Variants in CNTN4 observed in about 807,000 individuals in gnomAD.
CNTN4 encodes contactin-4.
CNTN4 carries 77 observed loss-of-function variants against 122.5 expected under a neutral mutation model. That is an observed-to-expected ratio of 0.63 (90% CI 0.52 to 0.76). The LOEUF (loss-of-function observed/expected upper bound fraction) is 0.76. Among genes scored for constraint, CNTN4 ranks in the 30% least tolerant of loss-of-function variants. The pLI, the probability that CNTN4 is intolerant of heterozygous loss-of-function variation, is 0.00. For missense variants in CNTN4, 1,256 were observed against 1,259.1 expected (o/e 1.00, Z 0.04); for synonymous variants, 512 against 447.0 (o/e 1.15, Z -1.83).
intron 3 of CNTN4, among the ~76,000 whole-genome samples, chr3:2,566,313 T>C (rs2079156732): frequency 6.6e-6 from 1 of 152,244 alleles, no homozygotes; most frequent in South Asian, 2.1e-4. Flanking sequence ...GATTTCTAGA[T>C]ATTTAACCTT....
chr3:2,587,772 G>A (rs1306646656), intron 4 of CNTN4, among the ~76,000 whole-genome samples: 1 of 151,962 alleles, frequency 6.6e-6, no homozygotes, highest in Admixed American at 6.6e-5. Flanking sequence ...TCAATATTAT[G>A]AATTTTTTTT....
At chr3:2,971,585 A>C (rs1044658904) in intron 13 of CNTN4, among the ~76,000 whole-genome samples, 1 of 152,230 alleles carries the variant, frequency 6.6e-6, no homozygotes, top group South Asian at 2.1e-4. Context: ...ATAATTCAGT[A>C]CCAATAGATA....
chr3:2,991,954 TC>T (rs1482713663), intron 14 of CNTN4, among the ~76,000 whole-genome samples: 1 of 152,218 alleles, frequency 6.6e-6, no homozygotes, highest in Non-Finnish European at 1.5e-5. Context: ...ACCGTGAAGG[TC>T]GGGCGTCAGA....
chr3:2,307,550 C>T (rs1411393254), intron 2 of CNTN4, among the ~76,000 whole-genome samples: 1 of 152,104 alleles, frequency 6.6e-6, no homozygotes, highest in Non-Finnish European at 1.5e-5. Context: ...CCCATTTCTG[C>T]AGGTGCCCTT....
chr3:2,771,874 GTGAC>G (rs1178565242), intron 6 of CNTN4, among the ~76,000 whole-genome samples: 6 of 152,190 alleles, frequency 3.9e-5, no homozygotes, highest in Non-Finnish European at 8.8e-5. Context: ...AAGAGAGACA[GTGAC>G]TGAGCAGAGT....
At position 2,700,072 on chromosome 3, in the gene CNTN4, A is replaced by G. The variant is rs116456083; in HGVS notation, c.56-36143A>G. Among the ~76,000 whole-genome samples the G allele has an allele frequency of 1.7e-3, 259 of 152,248 alleles. 1 individual carries two copies. The highest frequency in any genetic ancestry group is 5.8e-3 in the African/African-American group (239 of 41,564). On this transcript the variant is annotated intron_variant, in intron 4 of 24. Coordinates refer to ENST00000418658, the MANE Select transcript of CNTN4 (RefSeq NM_175607.3). ...TAATCATTCCACTTTCACGAAGTGC[A>G]TGCACTACTGAGCCACAGAGAAATT...
chr3:2,655,016 TA>T (rs2083522709), intron 4 of CNTN4, among the ~76,000 whole-genome samples: 1 of 152,208 alleles, frequency 6.6e-6, no homozygotes, highest in Non-Finnish European at 1.5e-5. Context: ...TTAAAAAATT[TA>T]TTCCCCAAAT....
chr3:2,906,769 G>A (rs527744603), intron 12 of CNTN4, among the ~76,000 whole-genome samples: 68 of 151,274 alleles, frequency 4.5e-4, no homozygotes, highest in Admixed American at 2.4e-3. Context: ...ACTTAGACCC[G>A]GGAGACAGAG....
At chr3:3,007,401 A>T (rs930433545) in intron 14 of CNTN4, among the ~76,000 whole-genome samples, 1 of 152,234 alleles carries the variant, frequency 6.6e-6, no homozygotes, top group Non-Finnish European at 1.5e-5. Flanking sequence ...CATCATTTCT[A>T]TAATGCCAGT....
intron 2 of CNTN4, among the ~76,000 whole-genome samples, chr3:2,105,004 A>G (rs2032314977): frequency 6.6e-6 from 1 of 152,136 alleles, no homozygotes; most frequent in Non-Finnish European, 1.5e-5. Flanking sequence ...TCTTGTCGGG[A>G]AGAGCATTGA....
At chr3:2,626,574 T>G (rs1159940711) in intron 4 of CNTN4, among the ~76,000 whole-genome samples, 1 of 151,994 alleles carries the variant, frequency 6.6e-6, no homozygotes, top group East Asian at 1.9e-4. Flanking sequence ...TAAAATCCCC[T>G]TATATCATTT....
At chr3:2,731,183 G>T (rs2088652930) in intron 4 of CNTN4, among the ~76,000 whole-genome samples, 7 of 152,058 alleles carry the variant, frequency 4.6e-5, no homozygotes, top group Admixed American at 4.6e-4. Flanking sequence ...GAGACACTAT[G>T]TTTTACTTCT....
At chr3:2,438,499 G>A (rs1575630587) in intron 3 of CNTN4, among the ~76,000 whole-genome samples, 1 of 152,272 alleles carries the variant, frequency 6.6e-6, no homozygotes, top group East Asian at 1.9e-4. Context: ...TCCAGCCCAG[G>A]TGAAAGAGTG....
chr3:2,610,873 A>G (rs2081452692), intron 4 of CNTN4, among the ~76,000 whole-genome samples: 1 of 152,144 alleles, frequency 6.6e-6, no homozygotes, highest in Admixed American at 6.6e-5. Context: ...AACTTGGGAG[A>G]AATATTTTTT....
intron 3 of CNTN4, among the ~76,000 whole-genome samples, chr3:2,419,191 C>A (rs1171713802): frequency 6.6e-6 from 1 of 151,982 alleles, no homozygotes; most frequent in Non-Finnish European, 1.5e-5. Flanking sequence ...AATCATATAC[C>A]AGGTAATTTC....
chr3:2,922,907 G>A (rs1166209561), intron 12 of CNTN4, among the ~76,000 whole-genome samples: 5 of 152,022 alleles, frequency 3.3e-5, no homozygotes, highest in Admixed American at 1.3e-4. Flanking sequence ...CATCATGCCC[G>A]GCCTTGAATT....
At chr3:2,182,762 C>T (rs972247456) in intron 2 of CNTN4, among the ~76,000 whole-genome samples, 4 of 151,544 alleles carry the variant, frequency 2.6e-5, no homozygotes, top group South Asian at 2.1e-4. Flanking sequence ...GCAAAACTTC[C>T]GCATAAGTTT....
chr3:2,840,544 C>CAA lies in CNTN4; in HGVS notation c.454+20967_454+20968dup, dbSNP rs11424573. On this transcript the variant is annotated intron_variant, in intron 7 of 24. Transcript: ENST00000418658. ...TGAAACCCCGTCTCTACTAAAAATACAAAAATTAGCCGGGCGCGGTGATGG... is the reference window on the plus strand; with the variant it reads ...TGAAACCCCGTCTCTACTAAAAATACAAAAAAATTAGCCGGGCGCGGTGATGG... Among the ~76,000 whole-genome samples the CAA allele has an allele frequency of 3.9e-4, 7 of 17,782 alleles. 1 individual carries two copies. The East Asian group carries it at 0.018, about 45-fold the overall frequency. The allele number at this position is 17,782 out of a possible 152,430, so 11.7% of individuals were successfully genotyped here. A position where few individuals can be genotyped will look rare whatever the true frequency, so the allele number is the denominator to read the frequency against.
chr3:2,121,605 A>G (rs1322995054), intron 2 of CNTN4, among the ~76,000 whole-genome samples: 6 of 152,176 alleles, frequency 3.9e-5, no homozygotes, highest in Non-Finnish European at 8.8e-5. Flanking sequence ...GGAACCTTTC[A>G]CTGAAGAATA....
Sources: allele counts gnomAD v4.1 joint callset (sites outside exome capture counted in the v4.1 genomes callset), GRCh38; gene constraint gnomAD v4.1.1; transcripts MANE v1.5; gene names NCBI Gene and HGNC (gene_info 2026-07-23, HGNC 2026-07-21).